The following BRF1 variants were observed in gnomAD, a reference collection of about 807,000 sequenced individuals.
The protein encoded by BRF1 is BRF1 general transcription factor IIIB subunit.
Under a neutral mutation model 81.7 loss-of-function variants are expected in BRF1, and 59 were observed. The ratio of observed to expected loss-of-function variants is 0.72; its 90% CI spans 0.59 to 0.90. BRF1 has a LOEUF of 0.90. Among genes scored for constraint, BRF1 ranks in the 40% least tolerant of loss-of-function variants. BRF1 has a pLI of 0.00. For missense variants in BRF1, 1,050 were observed against 936.3 expected (o/e 1.12, Z -1.58); for synonymous variants, 491 against 395.6 (o/e 1.24, Z -2.86).
At chr14:105,275,138 T>C (rs918048590) in intron 2 of BRF1, among the ~76,000 whole-genome samples, 2 of 152,226 alleles carry the variant, frequency 1.3e-5, no homozygotes, top group African/African-American at 4.8e-5. Flanking sequence ...TCACTAATGA[T>C]GACCAGCAGC....
chr14:105,229,477 GGAGT>G (rs2054365025), intron 6 of BRF1, among the ~76,000 whole-genome samples: 1 of 152,230 alleles, frequency 6.6e-6, no homozygotes, highest in Non-Finnish European at 1.5e-5. Flanking sequence ...GCCCGGATGA[GGAGT>G]GAGGGCCCTG....
chr14:105,282,038 T>C (rs1202234113), intron 2 of BRF1, among the ~76,000 whole-genome samples: 11 of 152,114 alleles, frequency 7.2e-5, no homozygotes. Context: ...AACCGTCGCT[T>C]CAGAACATCA....
intron 2 of BRF1, among the ~76,000 whole-genome samples, chr14:105,274,252 C>T (rs1379051761): frequency 6.6e-6 from 1 of 152,154 alleles, no homozygotes; most frequent in South Asian, 2.1e-4. Context: ...TCACCCTGCT[C>T]TCCTGCCGCA....
chr14:105,286,387 A>T lies in BRF1; in HGVS notation c.185-11T>A. ...GGGTTTTGCCAGCACCTGGAAACACAAAAAAAGACAGATCAGCCAAAACTT... is the reference window on the plus strand; with the variant it reads ...GGGTTTTGCCAGCACCTGGAAACACTAAAAAAGACAGATCAGCCAAAACTT... On this transcript the variant is annotated splice_polypyrimidine_tract_variant and intron_variant, in intron 1 of 17. Transcript: ENST00000547530. The T allele has an allele frequency of 6.2e-7, 1 of 1,609,398 alleles. No individual in the cohort carries two copies.
At chr14:105,270,878 C>T (rs767808290) in intron 3 of BRF1, among the ~76,000 whole-genome samples, 4 of 152,038 alleles carry the variant, frequency 2.6e-5, no homozygotes, top group South Asian at 2.1e-4. Flanking sequence ...GCTACCAGCT[C>T]GTCATCTCCA....
chr14:105,249,149 C>A (rs776540046), intron 5 of BRF1: 5 of 1,567,948 alleles, frequency 3.2e-6, no homozygotes, highest in Admixed American at 1.8e-5. Flanking sequence ...GTGCCTCTAC[C>A]TTTGCAGGAA....
At chr14:105,216,716 C>T (rs952933402) in intron 15 of BRF1, among the ~76,000 whole-genome samples, 2 of 152,240 alleles carry the variant, frequency 1.3e-5, no homozygotes, top group East Asian at 3.8e-4. Context: ...CCTGACGGGG[C>T]TGCCGAGAGT....
intron 15 of BRF1, among the ~76,000 whole-genome samples, chr14:105,213,601 A>G (rs1443891462): frequency 1.3e-5 from 2 of 151,908 alleles, no homozygotes; most frequent in African/African-American, 2.4e-5. Flanking sequence ...TGCTGTTAGG[A>G]GGGTGCGCTT....
chr14:105,245,567 G>A (rs985870574), intron 5 of BRF1, among the ~76,000 whole-genome samples: 1 of 144,834 alleles, frequency 6.9e-6, no homozygotes, highest in Admixed American at 6.8e-5. Flanking sequence ...CAGACCAACA[G>A]AACAGAACAG....
intron 2 of BRF1, among the ~76,000 whole-genome samples, chr14:105,282,492 G>A (rs1260006073): frequency 1.3e-5 from 2 of 152,228 alleles, no homozygotes; most frequent in East Asian, 3.8e-4. Context: ...CGGGAGTGGA[G>A]GCCGTGGGCC....
At chr14:105,241,590 C>T in intron 5 of BRF1, 176 bp from the exon 6 acceptor site, 4 of 833,378 alleles carry the variant, frequency 4.8e-6, no homozygotes, top group East Asian at 5.4e-5. Context: ...GCAGCCATCG[C>T]ACCGAACCCA....
chr14:105,229,366 T>C (rs1386249153), intron 6 of BRF1, among the ~76,000 whole-genome samples: 2 of 152,174 alleles, frequency 1.3e-5, no homozygotes, highest in African/African-American at 4.8e-5. Context: ...AGATCATGTG[T>C]GCAGATGGAA....
At chr14:105,244,325 T>A (rs1244519131) in intron 5 of BRF1, among the ~76,000 whole-genome samples, 1 of 152,094 alleles carries the variant, frequency 6.6e-6, no homozygotes, top group Non-Finnish European at 1.5e-5. Flanking sequence ...ATACCTGTTG[T>A]CTCAGCTACT....
In BRF1 at chr14:105,298,803, C is replaced by T. The variant is rs1027618212; in HGVS notation, c.184+1643G>A. Among the ~76,000 whole-genome samples, 11 of 151,008 alleles carry T rather than the reference C, an allele frequency of 7.3e-5. 1 individual carries two copies. In the South Asian group the frequency reaches 1.7e-3, roughly 23 times the overall value. ...CTGGGAGGCAGAGGTTGCAGTGAAACGAGATTGTGCCACTGCACTCCAGCC... is the reference window on the plus strand; with the variant it reads ...CTGGGAGGCAGAGGTTGCAGTGAAATGAGATTGTGCCACTGCACTCCAGCC... On this transcript the variant is annotated intron_variant, in intron 1 of 17. Coordinates refer to ENST00000547530, the MANE Select transcript of BRF1 (RefSeq NM_001519.4).
rs587674737 is a variant in BRF1, at chr14:105,263,769, C to T, written c.440-7220G>A. ...CGAAACCCTGTCTCTACTAAAAATA[C>T]AAAAAATCAGCCGGATGTGGTGGCG... On this transcript the variant is annotated intron_variant, in intron 3 of 17. Transcript: ENST00000547530. 8.6e-5 allele frequency among the ~76,000 whole-genome samples: 13 copies of T among 151,874 alleles called. No individual in the cohort carries two copies. In the East Asian group the frequency reaches 2.5e-3, roughly 29 times the overall value.
chr14:105,295,148 C>A (rs943599053), intron 1 of BRF1, among the ~76,000 whole-genome samples: 1 of 151,936 alleles, frequency 6.6e-6, no homozygotes, highest in African/African-American at 2.4e-5. Flanking sequence ...CAATATCCCA[C>A]GCAAGCATCA....
rs1417164745 is a variant in BRF1, at chr14:105,286,613, T to A, written c.185-237A>T. 2.0e-5 allele frequency among the ~76,000 whole-genome samples: 3 copies of A among 147,368 alleles called. No homozygotes were observed. In the East Asian group the frequency reaches 5.9e-4, roughly 29 times the overall value. On this transcript the variant is annotated intron_variant, in intron 1 of 17. Transcript: ENST00000547530. ...GGCCAACTGCACTTTCCGCATTTTC[T>A]TTTTTTTTTTGAGACGGAGTCTCCC...
Position 105,315,199 on chromosome 14 carries a change from C to T in BRF1, c.-162+123G>A. 3.7e-6 allele frequency: 1 copy of T among 268,438 alleles called. No homozygotes were observed. The highest frequency in any genetic ancestry group is 5.9e-6 in the Non-Finnish European group (1 of 168,972). The allele number at this position is 268,438 out of a possible 1,614,324, so 16.6% of individuals were successfully genotyped here. On this transcript the variant is annotated intron_variant, in intron 1 of 17. Transcript: ENST00000327359. The surrounding 1 kb of genome is among the most constrained non-coding windows in gnomAD (Gnocchi z 4.4). ...TCGACGCGTGCAGCCGCCGCCCCCC[C>T]GCAGCTCCGGCAAGCGCGGCCCCAG...
rs1231074391 is a variant in BRF1, at chr14:105,241,403, A to C, written c.556T>G (p.Tyr186Asp). 2 of 1,612,182 alleles carry C rather than the reference A, an allele frequency of 1.2e-6. No homozygotes were observed. The highest frequency in any genetic ancestry group is 1.7e-6 in the Non-Finnish European group (2 of 1,179,914). Residue 186 changes from tyrosine to aspartate, a missense_variant, in exon 6 of 18, where the codon TAT becomes GAT. Physicochemically the swap from Tyr to Asp is radical, Grantham distance 160. Transcript: ENST00000547530. ...INAPAIDPCL[Y>D]IPRFAHLLEF... ...AGCAGGTGCGCAAAGCGTGGAATAT[A>C]CAGGCACGGGTCTGCGGCAGACACA...
Sources: gnomAD v4.1 joint callset for allele counts (sites outside exome capture counted in the v4.1 genomes callset) on GRCh38, gnomAD v4.1.1 for gene constraint, Gnocchi (gnomAD v3.1) non-coding constraint, MANE v1.5 for transcripts, NCBI Gene and HGNC (gene_info 2026-07-23, HGNC 2026-07-21) for gene names.